Variants in GGCX observed in about 807,000 individuals in gnomAD.
GGCX encodes gamma-glutamyl carboxylase, also known as vitamin K-dependent gamma-carboxylase.
A neutral mutation model predicts 88.5 loss-of-function variants in GGCX; 63 were observed. The ratio of observed to expected loss-of-function variants is 0.71; its 90% CI spans 0.58 to 0.88. The LOEUF is 0.88. GGCX is among the 40% of genes least tolerant of loss of function. The pLI is 0.00. For missense variants in GGCX, 805 were observed against 932.9 expected (o/e 0.86, Z 1.79); for synonymous variants, 368 against 365.8 (o/e 1.01, Z -0.07).
Position 85,553,505 on chromosome 2 carries a change from A to T in GGCX, c.890-8T>A, listed in dbSNP as rs1390959399. On this transcript the variant is annotated splice_polypyrimidine_tract_variant and splice_region_variant and intron_variant, in intron 7 of 14. Transcript: ENST00000233838. Reference sequence around the variant, plus strand: ...TGACGTAGGAGAACATACCTAGGAAAGCAGGGAGAAAATACATATTTCAGG... The same window carrying T: ...TGACGTAGGAGAACATACCTAGGAATGCAGGGAGAAAATACATATTTCAGG... 1 of 1,613,256 alleles carries T rather than the reference A, an allele frequency of 6.2e-7. No individual in the cohort carries two copies. Among genetic ancestry groups the T allele is most frequent in the South Asian group, 1.1e-5 (1 of 91,054 alleles).
chr2:85,553,388 G>GAGGGGCTGCCTTT lies in GGCX; in HGVS notation c.998_999insAAAGGCAGCCCCT (p.Pro339GlyfsTer12). On this transcript the variant is annotated frameshift_variant, in exon 8 of 15. Transcript: ENST00000233838. LOFTEE classifies it high-confidence loss of function. ...AAACACTGGGCTGAGGGGCTGCCTT[G>GAGGGGCTGCCTTT]AGGGGCAACAGTTGTTGCAACCTTC... 1.2e-6 allele frequency: 2 copies of GAGGGGCTGCCTTT among 1,614,194 alleles called. No homozygotes were observed. Among genetic ancestry groups the GAGGGGCTGCCTTT allele is most frequent in the Non-Finnish European group, 1.7e-6 (2 of 1,180,026 alleles).
Position 85,551,584 on chromosome 2 carries a change from C to G in GGCX, c.1636G>C (p.Glu546Gln). The stretch of plus-strand genomic sequence containing the variant: ...TGGATGCTAGTGTTGCCCAGGTCTT[C>G]ACTCACAAAATTCTCCAAGTGCAGT... ...PGLHLENFVS[E>Q]DLGNTSIQLL... The change falls in exon 12 of 15, where the codon GAA becomes CAA. Residue 546 changes from glutamate (E) to glutamine (Q), a missense_variant. Around this residue, in one of 3 missense-constraint regions of GGCX, gnomAD observed 680 missense variants for 763.7 expected, o/e 0.89. Transcript: ENST00000233838. 6.2e-7 allele frequency: 1 copy of G among 1,613,880 alleles called. No homozygotes were observed. Among genetic ancestry groups the G allele is most frequent in the Non-Finnish European group, 8.5e-7 (1 of 1,180,002 alleles).
chr2:85,546,701 C>CA lies in GGCX; in HGVS notation c.*3232dup, dbSNP rs1558801209. 1 of 152,190 alleles carries CA rather than the reference C, an allele frequency of 6.6e-6. No individual in the cohort carries two copies. Among genetic ancestry groups the CA allele is most frequent in the East Asian group, 1.9e-4 (1 of 5,184 alleles). 9.4% of individuals were successfully genotyped at this position (152,190 alleles called of 1,614,324 possible). On this transcript the variant is annotated 3_prime_UTR_variant, in exon 15 of 15. Coordinates refer to ENST00000233838, the MANE Select transcript of GGCX (RefSeq NM_000821.7). Reference sequence around the variant, plus strand: ...CCTGGGCCAGAGCAAGGTTCCTTCTCAAAAAACTTGGAAATCTGTTGGGAA... The same window carrying CA: ...CCTGGGCCAGAGCAAGGTTCCTTCTCAAAAAAACTTGGAAATCTGTTGGGAA...
rs1692305405 is a variant in GGCX, at chr2:85,558,610, G to A, written c.374-5C>T. On this transcript the variant is annotated splice_polypyrimidine_tract_variant and splice_region_variant and intron_variant, in intron 3 of 14. Coordinates refer to ENST00000233838, the MANE Select transcript of GGCX (RefSeq NM_000821.7). ...CCAGCATCATGCCCAGTGCCCCTGGGATTTGTAGGGAGAGGATTAAGAGGT... is the reference window on the plus strand; with the variant it reads ...CCAGCATCATGCCCAGTGCCCCTGGAATTTGTAGGGAGAGGATTAAGAGGT... 3.7e-6 allele frequency: 6 copies of A among 1,610,498 alleles called. No homozygotes were observed. Among genetic ancestry groups the A allele is most frequent in the African/African-American group, 1.3e-5 (1 of 74,830 alleles).
chr2:85,558,466 T>TG lies in GGCX; in HGVS notation c.512_513insC (p.Thr172AsnfsTer19), dbSNP rs775134214. 3 of 1,614,102 alleles carry TG rather than the reference T, an allele frequency of 1.9e-6. No homozygotes were observed. The highest frequency in any genetic ancestry group is 2.5e-6 in the Non-Finnish European group (3 of 1,179,944). On this transcript the variant is annotated frameshift_variant, in exon 4 of 15. Coordinates refer to ENST00000233838, the MANE Select transcript of GGCX (RefSeq NM_000821.7). LOFTEE classifies it high-confidence loss of function. ...AGTAGTGGTTTGCATCCATGAATGT[T>TG]AGCTGAAAGGCCAACAACCCATACA...
chr2:85,545,201 T>C lies in GGCX; in HGVS notation c.*4733A>G, dbSNP rs1391688425. The stretch of plus-strand genomic sequence containing the variant: ...GAAAGTGCCTTTCAGGATCTATTTT[T>C]GGAGGTTTATTACGTATGTCTGGTT... On this transcript the variant is annotated 3_prime_UTR_variant, in exon 15 of 15. Transcript: ENST00000233838. 1 of 152,652 alleles carries C rather than the reference T, an allele frequency of 6.6e-6. No homozygotes were observed. The highest frequency in any genetic ancestry group is 2.4e-5 in the African/African-American group (1 of 41,444). The allele number at this position is 152,652 out of a possible 1,614,324, so 9.5% of individuals were successfully genotyped here.
rs1691650645 is a variant in GGCX at position 85,546,144 on chromosome 2, A to G, written c.*3790T>C. The G allele has an allele frequency of 6.6e-6, 1 of 152,250 alleles. No individual in the cohort carries two copies. The highest frequency in any genetic ancestry group is 2.4e-5 in the African/African-American group (1 of 41,456). 9.4% of individuals were successfully genotyped at this position (152,250 alleles called of 1,614,324 possible). A position where few individuals can be genotyped will look rare whatever the true frequency, so the allele number is the denominator to read the frequency against. On this transcript the variant is annotated 3_prime_UTR_variant, in exon 15 of 15. Coordinates refer to ENST00000233838, the MANE Select transcript of GGCX (RefSeq NM_000821.7). The stretch of plus-strand genomic sequence containing the variant: ...ACTTGGAAATTTGGAGGCCAGGCGG[A>G]GTGGCCTGTAATATAGGCCACTATA...
intron 1 of GGCX, 142 bp from the exon 2 acceptor site, chr2:85,561,127 C>T (rs1276734734): frequency 6.4e-6 from 5 of 785,850 alleles, no homozygotes; most frequent in South Asian, 4.2e-5. Flanking sequence ...CTATAGGAAA[C>T]ATCCCTGCAG....
At position 85,545,902 on chromosome 2, in the gene GGCX, C is replaced by T. The variant is rs558953551; in HGVS notation, c.*4032G>A. 1.7e-4 allele frequency: 26 copies of T among 152,260 alleles called. No homozygotes were observed. The highest frequency in any genetic ancestry group is 1.3e-3 in the Admixed American group (20 of 15,284). The allele number at this position is 152,260 out of a possible 1,614,324, so 9.4% of individuals were successfully genotyped here. A position where few individuals can be genotyped will look rare whatever the true frequency, so the allele number is the denominator to read the frequency against. On this transcript the variant is annotated 3_prime_UTR_variant, in exon 15 of 15. Transcript: ENST00000233838. ...TGCAGAGATAAATAATGCAAATTAGCTGAAAATGCTATAAATTTCCAAAGG... is the reference window on the plus strand; with the variant it reads ...TGCAGAGATAAATAATGCAAATTAGTTGAAAATGCTATAAATTTCCAAAGG...
intron 4 of GGCX, among the ~76,000 whole-genome samples, chr2:85,556,670 A>G (rs1692219245): frequency 6.6e-6 from 1 of 152,250 alleles, no homozygotes; most frequent in Admixed American, 6.5e-5. Flanking sequence ...AGTAACACAC[A>G]ACATAAACTA....
At position 85,550,134 on chromosome 2, in the gene GGCX, A is replaced by G. The variant is rs759065715; in HGVS notation, c.2085-8T>C. On this transcript the variant is annotated splice_region_variant and splice_polypyrimidine_tract_variant and intron_variant, in intron 14 of 14. Transcript: ENST00000233838. ...ATACAAGTCATCAGGAAGCTGAAAAACAGGAAAAAGCCGACCAAGTTCAAA... is the reference window on the plus strand; with the variant it reads ...ATACAAGTCATCAGGAAGCTGAAAAGCAGGAAAAAGCCGACCAAGTTCAAA... 2 of 1,611,786 alleles carry G rather than the reference A, an allele frequency of 1.2e-6. No individual in the cohort carries two copies. Among genetic ancestry groups the G allele is most frequent in the Non-Finnish European group, 8.5e-7 (1 of 1,177,926 alleles).
At position 85,553,264 on chromosome 2, in the gene GGCX, G is replaced by C; in HGVS notation, c.1123C>G (p.Leu375Val). 5 of 1,614,190 alleles carry C rather than the reference G, an allele frequency of 3.1e-6. No homozygotes were observed. Among genetic ancestry groups the C allele is most frequent in the Non-Finnish European group, 4.2e-6 (5 of 1,179,962 alleles). The part of the protein sequence containing the change: ...AFTLLYLLEQ[L>V]FLPYSHFLTQ... ...AGAAAATGAGAATAGGGCAGGAATAGCTGCTCCAGGAGGTAGAGCAGGGTG... is the reference window on the plus strand; with the variant it reads ...AGAAAATGAGAATAGGGCAGGAATACCTGCTCCAGGAGGTAGAGCAGGGTG... The change falls in exon 8 of 15, where the codon CTA becomes GTA. Residue 375 changes from leucine (L) to valine (V), a missense_variant. By Grantham distance (32) the Leu-to-Val change is conservative. Transcript: ENST00000233838.
At chr2:85,550,173 A>G in intron 14 of GGCX, 47 bp from the exon 15 acceptor site, 1 of 1,449,760 alleles carries the variant, frequency 6.9e-7, no homozygotes, top group South Asian at 1.1e-5. Flanking sequence ...CTGTTTCACC[A>G]GAAGAATTTC....
At chr2:85,555,056 C>T (rs984098668) in intron 6 of GGCX, 3 of 168,582 alleles carry the variant, frequency 1.8e-5, no homozygotes, top group Admixed American at 5.6e-5. Flanking sequence ...GAAAGGTGAC[C>T]CTTTGTTTTG....
At chr2:85,558,681 G>A in intron 3 of GGCX, 76 bp from the exon 4 acceptor site, 1 of 1,173,822 alleles carries the variant, frequency 8.5e-7, no homozygotes, top group Non-Finnish European at 1.3e-6. Context: ...GGATATGGTT[G>A]GAATTAAGAA....
intron 12 of GGCX, 48 bp downstream of exon 12, chr2:85,551,432 A>G (rs1349432513): frequency 5.0e-6 from 8 of 1,597,348 alleles, no homozygotes; most frequent in Non-Finnish European, 6.9e-6. Context: ...TACTGGTGTG[A>G]GCTACTGCAC....
chr2:85,557,722 C>T (rs1692263146), intron 4 of GGCX, among the ~76,000 whole-genome samples: 2 of 151,844 alleles, frequency 1.3e-5, no homozygotes, highest in South Asian at 4.2e-4. Context: ...GCCTGGGCAA[C>T]AAAGCGAGAC....
intron 10 of GGCX, 67 bp from the exon 11 acceptor site, chr2:85,552,048 C>T: frequency 8.6e-7 from 1 of 1,158,596 alleles, no homozygotes. Context: ...CCAGTTCTCT[C>T]CCTTTCATCA....
Position 85,549,979 on chromosome 2 carries a change from A to C in GGCX, c.2232T>G (p.Ser744=), listed in dbSNP as rs1378516895. The part of the protein sequence containing the change: ...LNPSNTDSSH[S]NPPESNPDPV... The stretch of plus-strand genomic sequence containing the variant: ...GATCAGGATTTGACTCAGGAGGATT[A>C]GAATGTGAAGAATCCGTGTTTGAGG... Residue 744 remains serine (S), a synonymous_variant, in exon 15 of 15, where the codon TCT becomes TCG. Coordinates refer to ENST00000233838, the MANE Select transcript of GGCX (RefSeq NM_000821.7). The C allele has an allele frequency of 6.2e-7, 1 of 1,613,816 alleles. No individual in the cohort carries two copies. Among genetic ancestry groups the C allele is most frequent in the Non-Finnish European group, 8.5e-7 (1 of 1,179,732 alleles).
Sources: allele counts gnomAD v4.1 joint callset (sites outside exome capture counted in the v4.1 genomes callset), GRCh38; gene constraint gnomAD v4.1.1; regional missense constraint gnomAD v4.1.1; transcripts MANE v1.5; gene names NCBI Gene and HGNC (gene_info 2026-07-23, HGNC 2026-07-21).